Variants in RAP1GAP observed in about 807,000 individuals in gnomAD.
RAP1GAP encodes the protein RAP1 GTPase activating protein.
A neutral mutation model predicts 87.2 loss-of-function variants in RAP1GAP; 35 were observed. The observed-to-expected ratio is 0.40, with a 90% CI of 0.31 to 0.53. The LOEUF (loss-of-function observed/expected upper bound fraction) is 0.53, where lower values mean the gene tolerates loss of function less well. Among genes scored for constraint, RAP1GAP ranks in the 20% least tolerant of loss-of-function variants. RAP1GAP has a pLI of 0.48. For synonymous variants in RAP1GAP, 375 were observed against 363.9 expected (o/e 1.03, Z -0.35); for missense variants, 734 against 898.9 (o/e 0.82, Z 2.35).
intron 17 of RAP1GAP, 127 bp downstream of exon 17, chr1:21,608,086 C>T: frequency 1.4e-6 from 2 of 1,397,796 alleles, no homozygotes; most frequent in Non-Finnish European, 1.9e-6. Context: ...GGACTCCACC[C>T]CCTCAGCCAC....
At chr1:21,635,781 T>A (rs1041187242) in intron 2 of RAP1GAP, among the ~76,000 whole-genome samples, 1 of 152,190 alleles carries the variant, frequency 6.6e-6, no homozygotes, top group African/African-American at 2.4e-5. Flanking sequence ...AAAGGTGACA[T>A]GGGGAAGCCC....
intron 21 of RAP1GAP, among the ~76,000 whole-genome samples, chr1:21,598,972 G>A (rs2065981126): frequency 6.6e-6 from 1 of 152,260 alleles, no homozygotes; most frequent in Non-Finnish European, 1.5e-5. Flanking sequence ...ATGATAAAGG[G>A]TGTTCCGGGC....
chr1:21,604,963 GGGTGGGTGGATGGGTAGATGGGTA>G (rs1381757371), intron 18 of RAP1GAP, among the ~76,000 whole-genome samples: 3 of 136,042 alleles, frequency 2.2e-5, no homozygotes, highest in Non-Finnish European at 4.8e-5. Flanking sequence ...ATGAGTGGGT[GGGTGGGTGGATGGGTAGATGGGTA>G]GGTGGGTGGA....
At chr1:21,608,779 C>T in intron 16 of RAP1GAP, 71 bp downstream of exon 16, 1 of 1,464,864 alleles carries the variant, frequency 6.8e-7, no homozygotes, top group Non-Finnish European at 9.6e-7. Context: ...TTTCCCTTCC[C>T]AGGGACAGGG....
At chr1:21,627,519 G>A (rs1394524861) in intron 2 of RAP1GAP, among the ~76,000 whole-genome samples, 1 of 150,638 alleles carries the variant, frequency 6.6e-6, no homozygotes, top group Admixed American at 6.7e-5. Flanking sequence ...GAGTTCGAGC[G>A]ATTCTCCTGC....
chr1:21,666,144 T>C (rs901711248), intron 1 of RAP1GAP, among the ~76,000 whole-genome samples: 1 of 152,156 alleles, frequency 6.6e-6, no homozygotes, highest in African/African-American at 2.4e-5. Flanking sequence ...CTAGCATGTC[T>C]GCCCTGGAGG....
intron 2 of RAP1GAP, among the ~76,000 whole-genome samples, chr1:21,647,948 G>T (rs2096228489): frequency 1.3e-5 from 2 of 152,182 alleles, no homozygotes; most frequent in Non-Finnish European, 2.9e-5. Flanking sequence ...CACGGGAGAA[G>T]CAAGCCCCAA....
intron 3 of RAP1GAP, among the ~76,000 whole-genome samples, chr1:21,624,823 A>G (rs1352160220): frequency 7.4e-6 from 1 of 134,314 alleles, no homozygotes; most frequent in Non-Finnish European, 1.6e-5. Context: ...TCTAGCACGC[A>G]GGGCCCAGGG....
chr1:21,666,661 C>T (rs920218282), intron 1 of RAP1GAP, among the ~76,000 whole-genome samples: 6 of 152,094 alleles, frequency 3.9e-5, no homozygotes, highest in Non-Finnish European at 8.8e-5. Flanking sequence ...CTCCCCTCCC[C>T]GGGTGATGAA....
At chr1:21,657,118 C>T (rs829404) in intron 1 of RAP1GAP, among the ~76,000 whole-genome samples, 78,894 of 152,142 alleles carry the variant, frequency 0.52, 20,926 homozygotes, top group East Asian at 0.69. Context: ...TACCGTGCCA[C>T]GCACATGCAA....
At position 21,603,196 on chromosome 1, in the gene RAP1GAP, G is replaced by A. The variant is rs1003422031; in HGVS notation, c.1429-283C>T. On this transcript the variant is annotated intron_variant, in intron 18 of 24. Transcript: ENST00000374765. The surrounding 1 kb of genome is among the most constrained non-coding windows in gnomAD (Gnocchi z 6.0). ...GAGGGGGCTAGGGTGGGAGGAGGCC[G>A]AGTCCTCAGAATGGCTACCGCTCCC... 2.3e-5 allele frequency: 10 copies of A among 443,136 alleles called. No individual in the cohort carries two copies. Among genetic ancestry groups the A allele is most frequent in the South Asian group, 1.2e-4 (3 of 25,446 alleles). The allele number at this position is 443,136 out of a possible 1,614,324, so 27.5% of individuals were successfully genotyped here.
At chr1:21,651,347 C>A in intron 1 of RAP1GAP, 1 of 472,856 alleles carries the variant, frequency 2.1e-6, no homozygotes, top group Non-Finnish European at 4.3e-6. Context: ...AGTGGGAGGT[C>A]CAGCAGAACC....
chr1:21,663,872 C>T (rs985648009), intron 1 of RAP1GAP, among the ~76,000 whole-genome samples: 1 of 152,204 alleles, frequency 6.6e-6, no homozygotes, highest in Non-Finnish European at 1.5e-5. Context: ...GCAGATCCAC[C>T]GTCTCAGGGG....
At chr1:21,630,186 T>C (rs913539549) in intron 2 of RAP1GAP, among the ~76,000 whole-genome samples, 16 of 152,150 alleles carry the variant, frequency 1.1e-4, no homozygotes, top group Admixed American at 2.0e-4. Context: ...TCCCCCAACA[T>C]CTGGTTGCAG....
intron 2 of RAP1GAP, among the ~76,000 whole-genome samples, chr1:21,644,552 C>T (rs1272110347): frequency 2.0e-5 from 3 of 152,276 alleles, no homozygotes; most frequent in Admixed American, 6.5e-5. Flanking sequence ...GCCTGGCACG[C>T]GCTCAGCTCT....
chr1:21,638,055 G>A lies in RAP1GAP; in HGVS notation c.-112-11658C>T, dbSNP rs192026427. Among the ~76,000 whole-genome samples, 328 of 151,324 alleles carry A rather than the reference G, an allele frequency of 2.2e-3. 3 individuals carry two copies. Among genetic ancestry groups the A allele is most frequent in the Middle Eastern group, 6.8e-3 (2 of 294 alleles). On this transcript the variant is annotated intron_variant, in intron 2 of 24. Transcript: ENST00000374765. ...AGTCCCAGCTACTCAGGAGGCTGAG[G>A]TGGGAAGACTGATTGAGCCTGAGAG... is the stretch of plus-strand genomic sequence containing the variant.
intron 16 of RAP1GAP, 43 bp downstream of exon 16, chr1:21,608,807 A>C (rs376623742): frequency 1.3e-6 from 2 of 1,550,802 alleles, no homozygotes; most frequent in African/African-American, 1.4e-5. Context: ...TATAGGTTGG[A>C]AGGTGAGAAG....
intron 18 of RAP1GAP, among the ~76,000 whole-genome samples, chr1:21,604,883 GGA>G (rs2072923988): frequency 2.7e-5 from 4 of 147,950 alleles, no homozygotes; most frequent in Non-Finnish European, 4.5e-5. Flanking sequence ...ATGGATGGAT[GGA>G]TGGGTGGATG....
intron 20 of RAP1GAP, 39 bp from the exon 21 acceptor site, chr1:21,599,656 G>C (rs752622781): frequency 1.3e-6 from 2 of 1,582,200 alleles, no homozygotes; most frequent in South Asian, 2.2e-5. Context: ...TGTCCACCCC[G>C]AGCCCCTCCT....
Sources: gnomAD v4.1 joint callset for allele counts (sites outside exome capture counted in the v4.1 genomes callset) on GRCh38, gnomAD v4.1.1 for gene constraint, Gnocchi (gnomAD v3.1) non-coding constraint, MANE v1.5 for transcripts, NCBI Gene and HGNC (gene_info 2026-07-23, HGNC 2026-07-21) for gene names.